Variants in CHD7 observed in about 807,000 individuals in gnomAD.
CHD7 encodes the protein chromodomain helicase DNA binding protein 7.
In CHD7, 24 loss-of-function variants were observed where a neutral mutation model predicts 307.3. The ratio of observed to expected loss-of-function variants is 0.08; its 90% CI spans 0.06 to 0.11. The LOEUF (loss-of-function observed/expected upper bound fraction) is 0.11, where lower values mean the gene tolerates loss of function less well. CHD7 is among the 10% of genes least tolerant of loss of function. CHD7 has a pLI of 1.00. For synonymous variants in CHD7, 1,363 were observed against 1,349.9 expected (o/e 1.01, Z -0.21); for missense variants, 3,106 against 3,727.1 (o/e 0.83, Z 4.34).
intron 25 of CHD7, 22 bp from the exon 26 acceptor site, chr8:60,850,471 T>C (rs1268932982): frequency 3.1e-6 from 5 of 1,592,612 alleles, no homozygotes; most frequent in Non-Finnish European, 4.3e-6. Context: ...GTGTTTTCTG[T>C]GCACGGATGG....
intron 1 of CHD7, among the ~76,000 whole-genome samples, chr8:60,726,247 A>G (rs1020738635): frequency 2.0e-5 from 3 of 152,210 alleles, no homozygotes; most frequent in Non-Finnish European, 4.4e-5. Context: ...GAAGACAGCT[A>G]TACTTAGCAT....
intron 1 of CHD7, among the ~76,000 whole-genome samples, chr8:60,700,495 A>C (rs1806708069): frequency 6.6e-6 from 1 of 152,238 alleles, no homozygotes; most frequent in African/African-American, 2.4e-5. Context: ...GCACCACGGA[A>C]GATTACTACA....
At chr8:60,837,618 C>A in intron 17 of CHD7, 50 bp from the exon 18 acceptor site, 1 of 1,427,934 alleles carries the variant, frequency 7.0e-7, no homozygotes, top group Non-Finnish European at 9.4e-7. Context: ...GGTGGGGAGA[C>A]AGAAACATTA....
At chr8:60,819,865 T>C in intron 8 of CHD7, 142 bp from the exon 9 acceptor site, 1 of 600,642 alleles carries the variant, frequency 1.7e-6, no homozygotes. Context: ...AATTGTAGCA[T>C]TTCAATTAAT....
intron 15 of CHD7, among the ~76,000 whole-genome samples, chr8:60,835,039 A>G (rs1489358715): frequency 6.6e-6 from 1 of 152,234 alleles, no homozygotes; most frequent in African/African-American, 2.4e-5. Flanking sequence ...CATTAAGATG[A>G]ATGTGTGTGT....
rs1805503905 is a variant in CHD7, at chr8:60,852,612, T to C, written c.6009T>C (p.Leu2003=). ...ACCAATTTAGAGCCTTTGCCAGGCT[T>C]GACAAAAAATCTGATGAGAGTTTGG... The part of the protein sequence containing the change: ...DWNQFRAFAR[L]DKKSDESLEK... The change falls in exon 30 of 38, where the codon CTT becomes CTC. Residue 2003 remains leucine (L), a synonymous_variant. Coordinates refer to ENST00000423902, the MANE Select transcript of CHD7 (RefSeq NM_017780.4). The C allele has an allele frequency of 6.2e-7, 1 of 1,613,860 alleles. No individual in the cohort carries two copies. The highest frequency in any genetic ancestry group is 1.3e-5 in the African/African-American group (1 of 74,914).
intron 1 of CHD7, among the ~76,000 whole-genome samples, chr8:60,732,139 T>C (rs2150563363): frequency 6.6e-6 from 1 of 152,308 alleles, no homozygotes; most frequent in South Asian, 2.1e-4. Flanking sequence ...GTGGTGTATA[T>C]CAGAAAAGAC....
At chr8:60,810,368 GGAGA>G (rs750210689) in intron 7 of CHD7, among the ~76,000 whole-genome samples, 4 of 145,578 alleles carry the variant, frequency 2.7e-5, no homozygotes, top group Admixed American at 1.3e-4. Context: ...GATAGGACTG[GGAGA>G]GAGAGAGAGT....
chr8:60,694,159 G>T (rs772416926), intron 1 of CHD7, among the ~76,000 whole-genome samples: 54 of 152,372 alleles, frequency 3.5e-4, no homozygotes, highest in Non-Finnish European at 6.9e-4. Context: ...TCGGTGTGAG[G>T]CTTATAACAG....
rs764698095 is a variant in CHD7, at chr8:60,865,714, A to C, written c.8775A>C (p.Ala2925=). ...GLTLPGFPAL[A]GLQNAVGSSE... ...CGCTGCCTGGGTTCCCAGCATTGGC[A>C]GGACTTCAGAATGCCGTGGGCTCCA... Residue 2925 remains alanine, a synonymous_variant, in exon 38 of 38, where the codon GCA becomes GCC. Coordinates refer to ENST00000423902, the MANE Select transcript of CHD7 (RefSeq NM_017780.4). This position sits in a 1 kb window ranked among gnomAD's most constrained non-coding sequence, Gnocchi z 4.3. 7 of 1,608,278 alleles carry C rather than the reference A, an allele frequency of 4.4e-6. No homozygotes were observed. The Admixed American group carries it at 1.0e-4, about 23-fold the overall frequency.
Position 60,702,608 on chromosome 8 carries a change from C to G in CHD7, c.-175+23526C>G, listed in dbSNP as rs528896455. 1.9e-3 allele frequency among the ~76,000 whole-genome samples: 283 copies of G among 152,344 alleles called. 3 individuals are homozygous for G. Among genetic ancestry groups the G allele is most frequent in the African/African-American group, 6.6e-3 (276 of 41,580 alleles). On this transcript the variant is annotated intron_variant, in intron 1 of 37. Transcript: ENST00000423902. ...TAAAAACGAAATCTCTTACACCAGT[C>G]TTTTCCCTGTTACAGCTTTCTAGTT...
intron 3 of CHD7, among the ~76,000 whole-genome samples, chr8:60,785,309 T>G (rs925586286): frequency 6.6e-6 from 1 of 152,232 alleles, no homozygotes; most frequent in Non-Finnish European, 1.5e-5. Flanking sequence ...TAATGCAGTT[T>G]CTAGGAATGC....
chr8:60,822,205 A>G, intron 11 of CHD7, 60 bp downstream of exon 11: 1 of 1,426,224 alleles, frequency 7.0e-7, no homozygotes, highest in South Asian at 1.5e-5. Context: ...TCCTTTAGTT[A>G]TTGAAAATAA....
In CHD7 at chr8:60,836,336, A is replaced by G. The variant is rs981938199; in HGVS notation, c.3989+53A>G. ...AAAGGAAATCTAAAATTACCTTCCCAGGGGTCCAAGCAGTCCACCTAAAAG... is the reference window on the plus strand; with the variant it reads ...AAAGGAAATCTAAAATTACCTTCCCGGGGGTCCAAGCAGTCCACCTAAAAG... On this transcript the variant is annotated intron_variant, in intron 16 of 37. Transcript: ENST00000423902. 16 of 1,465,126 alleles carry G rather than the reference A, an allele frequency of 1.1e-5. No individual in the cohort carries two copies. In the African/African-American group the frequency reaches 2.2e-4, roughly 20 times the overall value. The allele number at this position is 1,465,126 out of a possible 1,614,324, so 90.8% of individuals were successfully genotyped here.
intron 5 of CHD7, 71 bp downstream of exon 5, chr8:60,800,596 G>C (rs1421360091): frequency 4.2e-6 from 6 of 1,440,218 alleles, no homozygotes; most frequent in Non-Finnish European, 5.7e-6. Flanking sequence ...GCTGCAATCT[G>C]AGAAGTGCAG....
intron 3 of CHD7, among the ~76,000 whole-genome samples, chr8:60,792,010 A>C (rs945405174): frequency 6.6e-6 from 1 of 152,206 alleles, no homozygotes; most frequent in Non-Finnish European, 1.5e-5. Context: ...GTGGATGTTA[A>C]CTATCTGTGC....
chr8:60,844,156 G>A (rs1004371291), intron 21 of CHD7, among the ~76,000 whole-genome samples: 2 of 152,222 alleles, frequency 1.3e-5, no homozygotes, highest in African/African-American at 4.8e-5. Flanking sequence ...GCTCCCAGAT[G>A]AGACAGCACA....
At chr8:60,779,165 A>G (rs575154198) in intron 2 of CHD7, among the ~76,000 whole-genome samples, 61 of 152,368 alleles carry the variant, frequency 4.0e-4, no homozygotes, top group African/African-American at 1.4e-3. Context: ...TCACCTATCA[A>G]TCACCTAACC....
chr8:60,726,972 C>T lies in CHD7; in HGVS notation c.-174-14287C>T, dbSNP rs79600114. 9.2e-5 allele frequency among the ~76,000 whole-genome samples: 14 copies of T among 152,244 alleles called. No homozygotes were observed. In the East Asian group the frequency reaches 2.7e-3, roughly 29 times the overall value. ...ACTTGTCTCTGTCCCTCTGTGCCTA[C>T]TTCTATTAGTGTTTAATTGTATATT... On this transcript the variant is annotated intron_variant, in intron 1 of 37. Transcript: ENST00000423902.
Sources: allele counts gnomAD v4.1 joint callset (sites outside exome capture counted in the v4.1 genomes callset), GRCh38; gene constraint gnomAD v4.1.1; non-coding constraint Gnocchi (gnomAD v3.1); transcripts MANE v1.5; gene names NCBI Gene and HGNC (gene_info 2026-07-23, HGNC 2026-07-21).